ARHGAP32: variants seen among roughly 807,000 people sequenced by gnomAD.
ARHGAP32 encodes the protein Rho GTPase activating protein 32.
In ARHGAP32, 51 loss-of-function variants were observed where a neutral mutation model predicts 186.5. That is an observed-to-expected ratio of 0.27 (90% CI 0.22 to 0.35). The LOEUF (loss-of-function observed/expected upper bound fraction) is 0.35. Ranked by LOEUF, ARHGAP32 falls within the 10% of genes least tolerant of loss-of-function variation. The pLI, the probability that ARHGAP32 is intolerant of heterozygous loss-of-function variation, is 1.00. For missense variants in ARHGAP32, 2,186 were observed against 2,623.5 expected (o/e 0.83, Z 3.64); for synonymous variants, 950 against 964.3 (o/e 0.99, Z 0.27).
chr11:129,129,420 G>C (rs1406685407), intron 2 of ARHGAP32, among the ~76,000 whole-genome samples: 6 of 146,514 alleles, frequency 4.1e-5, no homozygotes, highest in Non-Finnish European at 9.0e-5. Flanking sequence ...GGAGGTAGGG[G>C]GCAGCCCCCG....
rs1945354795 is a variant in ARHGAP32, at chr11:128,971,071, G to T, written c.4142C>A (p.Ala1381Asp). The change falls in exon 23 of 23, where the codon GCT becomes GAT. Residue 1381 changes from alanine to aspartate, a missense_variant. Coordinates refer to ENST00000682385, the MANE Select transcript of ARHGAP32 (RefSeq NM_001378024.1). ...PASAFISDSG[A>D]AAAQCPMATA... ...AGCCATGGGACACTGAGCAGCAGCA[G>T]CACCACTGTCACTGATGAAGGCAGA... The T allele has an allele frequency of 3.1e-6, 5 of 1,614,058 alleles. No homozygotes were observed. The highest frequency in any genetic ancestry group is 4.2e-6 in the Non-Finnish European group (5 of 1,180,044).
rs142764001 is a variant in ARHGAP32 at position 129,092,710 on chromosome 11, A to C, written c.531+911T>G. On this transcript the variant is annotated intron_variant, in intron 6 of 22. Coordinates refer to ENST00000682385, the MANE Select transcript of ARHGAP32 (RefSeq NM_001378024.1). The stretch of plus-strand genomic sequence containing the variant: ...TTTTCCTTAAGGTGACCACAACTAA[A>C]AACTTCAGTATATCACACACGATGA... 2.9e-4 allele frequency among the ~76,000 whole-genome samples: 44 copies of C among 152,100 alleles called. 1 individual carries two copies. In the East Asian group the frequency reaches 8.3e-3, roughly 29 times the overall value.
intron 2 of ARHGAP32, among the ~76,000 whole-genome samples, chr11:129,161,545 A>G (rs968661830): frequency 6.6e-6 from 1 of 152,238 alleles, no homozygotes; most frequent in African/African-American, 2.4e-5. Flanking sequence ...CAAACATGAA[A>G]AAAGCTCATC....
Position 128,970,108 on chromosome 11 carries a change from T to C in ARHGAP32, c.5105A>G (p.Asp1702Gly), listed in dbSNP as rs1352032897. Reference sequence around the variant, plus strand: ...CAGCCTAGGATTGTAGAAAGCAAAGTCTCGATTGGGAAGGCGGTGAAGGGG... The same window carrying C: ...CAGCCTAGGATTGTAGAAAGCAAAGCCTCGATTGGGAAGGCGGTGAAGGGG... ...LRPLHRLPNR[D>G]FAFYNPRLQG... Residue 1702 changes from aspartate (D) to glycine (G), a missense_variant, in exon 23 of 23, where the codon GAC becomes GGC. By Grantham distance (94) the Asp-to-Gly change is moderately conservative. Transcript: ENST00000682385. This position sits in a 1 kb window ranked among gnomAD's most constrained non-coding sequence, Gnocchi z 5.8. 2 of 1,613,950 alleles carry C rather than the reference T, an allele frequency of 1.2e-6. No individual in the cohort carries two copies. Among genetic ancestry groups the C allele is most frequent in the Admixed American group, 1.7e-5 (1 of 59,984 alleles).
At chr11:129,196,965 G>A (rs1054580467), upstream of ARHGAP32, among the ~76,000 whole-genome samples, 1 of 152,070 alleles carries the variant, frequency 6.6e-6, no homozygotes, top group African/African-American at 2.4e-5. Context: ...GCTGAGGCAG[G>A]AGAATAGCTT....
At chr11:129,132,806 A>G (rs1229372864) in intron 2 of ARHGAP32, among the ~76,000 whole-genome samples, 1 of 152,224 alleles carries the variant, frequency 6.6e-6, no homozygotes, top group African/African-American at 2.4e-5. Flanking sequence ...AGACTTTAAA[A>G]CAGGTATTAT....
chr11:129,059,817 A>T (rs1940418184), intron 10 of ARHGAP32, among the ~76,000 whole-genome samples: 1 of 152,096 alleles, frequency 6.6e-6, no homozygotes, highest in Admixed American at 6.5e-5. Context: ...TTTTAAAAAA[A>T]GTTTGACAGT....
At chr11:129,007,836 A>T (rs977666158) in intron 11 of ARHGAP32, among the ~76,000 whole-genome samples, 2 of 152,078 alleles carry the variant, frequency 1.3e-5, no homozygotes, top group African/African-American at 4.8e-5. Flanking sequence ...TTTCAAATTT[A>T]TTCAAGGCCC....
intron 5 of ARHGAP32, among the ~76,000 whole-genome samples, chr11:129,099,109 C>T (rs1941818547): frequency 2.6e-5 from 4 of 151,952 alleles, no homozygotes; most frequent in Admixed American, 2.6e-4. Context: ...GAGAGAAGTC[C>T]CTCCTTATCA....
chr11:129,049,416 CA>C (rs1939946107), intron 10 of ARHGAP32, among the ~76,000 whole-genome samples: 1 of 152,146 alleles, frequency 6.6e-6, no homozygotes, highest in Admixed American at 6.5e-5. Context: ...GTAAACTGCA[CA>C]TATTTAAAAT....
At chr11:129,088,128 C>T (rs955521884) in intron 6 of ARHGAP32, among the ~76,000 whole-genome samples, 5 of 152,198 alleles carry the variant, frequency 3.3e-5, no homozygotes, top group Admixed American at 1.3e-4. Flanking sequence ...CTTTTATATA[C>T]ATCTCCATTT....
chr11:129,090,897 AT>A (rs1221754590), intron 6 of ARHGAP32, among the ~76,000 whole-genome samples: 2 of 152,148 alleles, frequency 1.3e-5, no homozygotes, highest in Non-Finnish European at 2.9e-5. Context: ...GATTACTAGA[AT>A]TTTTATTAAT....
intron 1 of ARHGAP32, among the ~76,000 whole-genome samples, chr11:129,261,523 G>A (rs1337231013): frequency 2.0e-5 from 3 of 152,076 alleles, no homozygotes; most frequent in African/African-American, 2.4e-5. Flanking sequence ...GAATAGGTCC[G>A]GTTACATTAA....
intron 1 of ARHGAP32, among the ~76,000 whole-genome samples, chr11:129,173,629 G>C (rs1591671248): frequency 6.6e-6 from 1 of 152,188 alleles, no homozygotes; most frequent in Admixed American, 6.5e-5. Flanking sequence ...CCACGATCAA[G>C]TCGGCTTCAT....
rs566456230 is a variant in ARHGAP32 at position 129,231,401 on chromosome 11, C to T, written c.-5+47745G>A. ...AGAAAATGCAAAATGCTTGGAATAT[C>T]TTCAACATTCTCAAATGTAAGTATG... On this transcript the variant is annotated intron_variant, in intron 1 of 6. Transcript: ENST00000525234. Among the ~76,000 whole-genome samples, 273 of 152,240 alleles carry T rather than the reference C, an allele frequency of 1.8e-3. 1 individual carries two copies. Among genetic ancestry groups the T allele is most frequent in the Non-Finnish European group, 3.4e-3 (234 of 68,008 alleles).
rs866009729 is a variant in ARHGAP32, at chr11:129,051,102, T to C, written c.964-10093A>G. Among the ~76,000 whole-genome samples, 9 of 152,252 alleles carry C rather than the reference T, an allele frequency of 5.9e-5. No individual in the cohort carries two copies. The South Asian group carries it at 1.0e-3, about 18-fold the overall frequency. ...ATTGTGAACAATGCTGCAATAAACA[T>C]ACATGTGCATGTGTCTTTATAGTAG... On this transcript the variant is annotated intron_variant, in intron 10 of 22. Coordinates refer to ENST00000682385, the MANE Select transcript of ARHGAP32 (RefSeq NM_001378024.1).
In ARHGAP32 at chr11:128,974,476, C is replaced by T. The variant is rs537107666; in HGVS notation, c.2721G>A (p.Pro907=). Residue 907 remains proline (P), a synonymous_variant, in exon 21 of 23, where the codon CCG becomes CCA. Transcript: ENST00000682385. ...ATTTGCTTAATTTCCGTCCTATCTTCGGAGAGAAAGCATAGACGACCTTTT... is the reference window on the plus strand; with the variant it reads ...ATTTGCTTAATTTCCGTCCTATCTTTGGAGAGAAAGCATAGACGACCTTTT... The part of the protein sequence containing the change: ...FTEKVVYAFS[P]KIGRKLSKSP... 25 of 1,614,126 alleles carry T rather than the reference C, an allele frequency of 1.5e-5. No individual in the cohort carries two copies. The highest frequency in any genetic ancestry group is 1.2e-4 in the South Asian group (11 of 91,078).
At chr11:129,058,219 A>T (rs370459603) in intron 10 of ARHGAP32, among the ~76,000 whole-genome samples, 4,782 of 80,456 alleles carry the variant, frequency 0.059, 109 homozygotes, top group Non-Finnish European at 0.081. Context: ...ACACACACAC[A>T]CACTCTCTCT....
At chr11:129,010,685 T>G (rs1234674366) in intron 11 of ARHGAP32, among the ~76,000 whole-genome samples, 1 of 152,200 alleles carries the variant, frequency 6.6e-6, no homozygotes, top group African/African-American at 2.4e-5. Flanking sequence ...TTTACTAAAC[T>G]CTCAATAATT....
Sources: gnomAD v4.1 joint callset for allele counts (sites outside exome capture counted in the v4.1 genomes callset) on GRCh38, gnomAD v4.1.1 for gene constraint, Gnocchi (gnomAD v3.1) non-coding constraint, MANE v1.5 for transcripts, NCBI Gene and HGNC (gene_info 2026-07-23, HGNC 2026-07-21) for gene names.